Variants in CDHR2 observed in about 807,000 individuals in gnomAD.
CDHR2 encodes the protein cadherin-related family member 2.
Under a neutral mutation model 138.6 loss-of-function variants are expected in CDHR2, and 104 were observed. The ratio of observed to expected loss-of-function variants is 0.75; its 90% CI spans 0.64 to 0.88. The LOEUF (loss-of-function observed/expected upper bound fraction) is 0.88, where lower values mean the gene tolerates loss of function less well. Ranked by LOEUF, CDHR2 falls within the 40% of genes least tolerant of loss-of-function variation. The probability of loss-of-function intolerance (pLI) is 0.00; values close to 1 mark genes in which losing one functional copy is unlikely to be tolerated. For synonymous variants in CDHR2, 755 were observed against 742.8 expected (o/e 1.02, Z -0.27); for missense variants, 1,624 against 1,727.6 (o/e 0.94, Z 1.06).
chr5:176,595,430 G>T, intron 31 of CDHR2, 102 bp from the exon 32 acceptor site: 1 of 1,333,182 alleles, frequency 7.5e-7, no homozygotes, highest in Non-Finnish European at 9.9e-7. Context: ...CCCTGCCAAG[G>T]AACCACTGGT....
chr5:176,592,277 GTGGTGA>G (rs1457095729), intron 30 of CDHR2, among the ~76,000 whole-genome samples: 5 of 147,414 alleles, frequency 3.4e-5, no homozygotes, highest in African/African-American at 5.1e-5. Context: ...GGTGATGATG[GTGGTGA>G]TGGTGATGGT....
rs1757494593 is a variant in CDHR2 at position 176,543,136 on chromosome 5, C to T, written c.-16+367C>T. ...CTGCGAGCTCCCGCCGTGCGGGCGCCGGCAGAGGCCTGGCGGGAAGACCCC... is the reference window on the plus strand; with the variant it reads ...CTGCGAGCTCCCGCCGTGCGGGCGCTGGCAGAGGCCTGGCGGGAAGACCCC... On this transcript the variant is annotated intron_variant, in intron 1 of 31. Coordinates refer to the CDHR2 transcript ENST00000510636. The surrounding 1 kb of genome is among the most constrained non-coding windows in gnomAD (Gnocchi z 4.0). Among the ~76,000 whole-genome samples, 1 of 151,116 alleles carries T rather than the reference C, an allele frequency of 6.6e-6. No homozygotes were observed. Among genetic ancestry groups the T allele is most frequent in the Non-Finnish European group, 1.5e-5 (1 of 67,640 alleles).
intron 20 of CDHR2, 92 bp from the exon 21 acceptor site, chr5:176,586,701 G>A (rs914534677): frequency 1.9e-5 from 23 of 1,189,098 alleles, no homozygotes; most frequent in Middle Eastern, 2.4e-4. Context: ...GCAGGTTTAG[G>A]GGGATGAGCC....
intron 30 of CDHR2, among the ~76,000 whole-genome samples, 196 bp from the exon 31 acceptor site, chr5:176,592,527 G>GTGT (rs1561883729): frequency 6.6e-6 from 1 of 151,432 alleles, no homozygotes; most frequent in African/African-American, 2.4e-5. Context: ...AGTGGTGGTG[G>GTGT]TGGTGTTGGT....
intron 1 of CDHR2, among the ~76,000 whole-genome samples, chr5:176,562,850 G>T (rs1483780210): frequency 1.3e-5 from 2 of 152,128 alleles, no homozygotes; most frequent in South Asian, 2.1e-4. Flanking sequence ...TTGAACACAC[G>T]TGCATGCAAC....
Position 176,589,162 on chromosome 5 carries a change from C to T in CDHR2, c.2988C>T (p.Asp996=), listed in dbSNP as rs769456663. The T allele has an allele frequency of 2.5e-6, 4 of 1,614,140 alleles. No homozygotes were observed. The highest frequency in any genetic ancestry group is 3.4e-6 in the Non-Finnish European group (4 of 1,179,998). Residue 996 remains aspartate, a synonymous_variant, in exon 22 of 32, where the codon GAC becomes GAT. Transcript: ENST00000261944. Reference sequence around the variant, plus strand: ...CGATCTTCACCTCCTCCGAGGCCGACGTGTTCGCTGGGAGCATTCAGTAAC... The same window carrying T: ...CGATCTTCACCTCCTCCGAGGCCGATGTGTTCGCTGGGAGCATTCAGTAAC... ...VFSIFTSSEA[D]VFAGSIQPVT...
intron 1 of CDHR2, among the ~76,000 whole-genome samples, chr5:176,564,908 G>C (rs911249415): frequency 6.6e-6 from 1 of 152,160 alleles, no homozygotes; most frequent in African/African-American, 2.4e-5. Context: ...ACTTCTAACA[G>C]GCAGGTATAG....
In CDHR2 at chr5:176,590,432, C is replaced by T. The variant is rs201869414; in HGVS notation, c.3361C>T (p.Arg1121Trp). ...LTLDELSVMI[R>W]NDQDSLTQLL... ...GTGGAGTTCTGTGGCCAGGATGATC[C>T]GGAATGATCAGGACTCGCTGACGCA... Residue 1121 changes from arginine (R) to tryptophan (W), a missense_variant, in exon 27 of 32, where the codon CGG (arginine) becomes TGG (tryptophan). Arg to Trp is a moderately radical substitution (Grantham distance 101, BLOSUM62 -3). Around this residue, in one of 3 missense-constraint regions of CDHR2, gnomAD observed 556 missense variants for 565.7 expected, o/e 0.98. Coordinates refer to ENST00000261944, the MANE Select transcript of CDHR2 (RefSeq NM_017675.6). 4.3e-5 allele frequency: 70 copies of T among 1,614,024 alleles called. No individual in the cohort carries two copies. The highest frequency in any genetic ancestry group is 5.5e-5 in the South Asian group (5 of 91,072).
Position 176,595,822 on chromosome 5 carries a change from C to A in CDHR2, c.*150C>A. 3 of 758,742 alleles carry A rather than the reference C, an allele frequency of 4.0e-6. No individual in the cohort carries two copies. Among genetic ancestry groups the A allele is most frequent in the Non-Finnish European group, 5.8e-6 (3 of 514,402 alleles). 47.0% of individuals were successfully genotyped at this position (758,742 alleles called of 1,614,324 possible). A position where few individuals can be genotyped will look rare whatever the true frequency, so the allele number is the denominator to read the frequency against. On this transcript the variant is annotated 3_prime_UTR_variant, in exon 32 of 32. Transcript: ENST00000261944. ...AGGGGTTGGGGAAATATTTTATTACCAATGTATACTGTGACAGTTTGTAGC... is the reference window on the plus strand; with the variant it reads ...AGGGGTTGGGGAAATATTTTATTACAAATGTATACTGTGACAGTTTGTAGC...
At chr5:176,593,782 G>A (rs888469080) in intron 31 of CDHR2, among the ~76,000 whole-genome samples, 8 of 152,204 alleles carry the variant, frequency 5.3e-5, no homozygotes, top group African/African-American at 7.2e-5. Context: ...TTGGTCAACC[G>A]AAGCCTCTCT....
intron 1 of CDHR2, among the ~76,000 whole-genome samples, chr5:176,557,014 C>CT (rs1561866455): frequency 2.4e-5 from 2 of 84,202 alleles, no homozygotes; most frequent in African/African-American, 7.4e-5. Flanking sequence ...CTCTCTCTCT[C>CT]TCTTTTTTTT....
intron 16 of CDHR2, among the ~76,000 whole-genome samples, chr5:176,579,535 T>C (rs1267520059): frequency 6.6e-6 from 1 of 152,136 alleles, no homozygotes; most frequent in Non-Finnish European, 1.5e-5. Context: ...TCTGGTCGGC[T>C]GCTGTAACCG....
chr5:176,552,685 G>A, intron 1 of CDHR2, among the ~76,000 whole-genome samples: 1 of 152,232 alleles, frequency 6.6e-6, no homozygotes, highest in South Asian at 2.1e-4. Flanking sequence ...TAGAACGCCA[G>A]CCTCATCATG....
chr5:176,590,068 T>C lies in CDHR2; in HGVS notation c.3207-10T>C. 1.2e-6 allele frequency: 2 copies of C among 1,612,712 alleles called. No homozygotes were observed. The highest frequency in any genetic ancestry group is 1.7e-6 in the Non-Finnish European group (2 of 1,178,882). On this transcript the variant is annotated splice_polypyrimidine_tract_variant and intron_variant, in intron 24 of 31. Coordinates refer to ENST00000261944, the MANE Select transcript of CDHR2 (RefSeq NM_017675.6). ...ACCCCAGGCCTCTGTGACATCTGCC[T>C]TCTTTGCAGGGCTCTTACCCAGGCA...
At position 176,584,833 on chromosome 5, in the gene CDHR2, G is replaced by A; in HGVS notation, c.2552G>A (p.Cys851Tyr). 6.2e-7 allele frequency: 1 copy of A among 1,614,170 alleles called. No homozygotes were observed. The highest frequency in any genetic ancestry group is 8.5e-7 in the Non-Finnish European group (1 of 1,180,028). The change falls in exon 19 of 32, where the codon TGC becomes TAC. Residue 851 changes from cysteine (C) to tyrosine (Y), a missense_variant. This residue lies in a region of CDHR2 where 1,061 missense variants were observed against 1,136.6 expected (regional missense o/e 0.93). Transcript: ENST00000261944. ...GAGATACAGCTTGTGAACATTCTCT[G>A]CACCAAGGCCGGGGTCGATGTGGGC... ...QLEIQLVNIL[C>Y]TKAGVDVGSL...
upstream of CDHR2, among the ~76,000 whole-genome samples, chr5:176,548,487 C>G (rs1241271449): frequency 6.6e-6 from 1 of 152,198 alleles, no homozygotes; most frequent in Non-Finnish European, 1.5e-5. Context: ...TCCCTGTAAT[C>G]CCAGCATTTT....
intron 5 of CDHR2, among the ~76,000 whole-genome samples, chr5:176,570,498 A>G (rs1758200146): frequency 6.6e-6 from 1 of 152,110 alleles, no homozygotes; most frequent in Non-Finnish European, 1.5e-5. Context: ...GGCGCTCACC[A>G]ACCATACTCA....
At chr5:176,554,455 C>T (rs1022622334) in intron 1 of CDHR2, among the ~76,000 whole-genome samples, 1 of 152,180 alleles carries the variant, frequency 6.6e-6, no homozygotes, top group Admixed American at 6.5e-5. Context: ...ACTCATCCCC[C>T]GCTGCCTACC....
In CDHR2 at chr5:176,576,939, T is replaced by G. The variant is rs1181566379; in HGVS notation, c.1195-460T>G. Among the ~76,000 whole-genome samples, 1 of 152,048 alleles carries G rather than the reference T, an allele frequency of 6.6e-6. No individual in the cohort carries two copies. The highest frequency in any genetic ancestry group is 1.5e-5 in the Non-Finnish European group (1 of 68,008). ...TGGGTAACACGGTGGCGCTGGAGGA[T>G]GAGTAACTCTGGAGGGTGTATGGTG... On this transcript the variant is annotated intron_variant, in intron 12 of 31. Coordinates refer to ENST00000261944, the MANE Select transcript of CDHR2 (RefSeq NM_017675.6). The surrounding 1 kb of genome is among the most constrained non-coding windows in gnomAD (Gnocchi z 4.5).
Sources: gnomAD v4.1 joint callset for allele counts (sites outside exome capture counted in the v4.1 genomes callset) on GRCh38, gnomAD v4.1.1 for gene constraint, gnomAD v4.1.1 regional missense constraint, Gnocchi (gnomAD v3.1) non-coding constraint, MANE v1.5 for transcripts, NCBI Gene and HGNC (gene_info 2026-07-23, HGNC 2026-07-21) for gene names.